The following ST3GAL1 variants were observed in gnomAD, a reference collection of about 807,000 sequenced individuals.
ST3GAL1 encodes CMP-N-acetylneuraminate-beta-galactosamide-alpha-2,3-sialyltransferase 1.
ST3GAL1 carries 16 observed loss-of-function variants against 34.1 expected under a neutral mutation model. The ratio of observed to expected loss-of-function variants is 0.47; its 90% CI spans 0.32 to 0.71. The LOEUF (loss-of-function observed/expected upper bound fraction) is 0.71. ST3GAL1 is among the 30% of genes least tolerant of loss of function. The pLI, the probability that ST3GAL1 is intolerant of heterozygous loss-of-function variation, is 0.04. For missense variants in ST3GAL1, 353 were observed against 447.4 expected (o/e 0.79, Z 1.90); for synonymous variants, 191 against 184.7 (o/e 1.03, Z -0.28).
chr8:133,539,199 C>G lies in ST3GAL1; in HGVS notation c.-429+6575G>C, dbSNP rs190049517. 3.9e-5 allele frequency among the ~76,000 whole-genome samples: 6 copies of G among 152,274 alleles called. No homozygotes were observed. The East Asian group carries it at 1.2e-3, about 29-fold the overall frequency. ...AGTGCCTTCGAAAATCCCAGCAGAA[C>G]CAAGAAGAACGAAGTTCTTTCGCCC... is the stretch of plus-strand genomic sequence containing the variant. On this transcript the variant is annotated intron_variant, in intron 2 of 9. Transcript: ENST00000522652.
intron 9 of ST3GAL1, among the ~76,000 whole-genome samples, chr8:133,460,544 C>T (rs754143237): frequency 6.6e-6 from 1 of 152,226 alleles, no homozygotes; most frequent in Non-Finnish European, 1.5e-5. Context: ...CATGACAAAC[C>T]CTGTGCATTT....
chr8:133,551,720 C>T (rs1353363789), intron 1 of ST3GAL1, among the ~76,000 whole-genome samples: 1 of 152,152 alleles, frequency 6.6e-6, no homozygotes, highest in African/African-American at 2.4e-5. Flanking sequence ...TAAGTGAATA[C>T]AAAACAACAT....
intron 3 of ST3GAL1, among the ~76,000 whole-genome samples, chr8:133,486,716 A>G (rs1816617757): frequency 6.6e-6 from 1 of 152,220 alleles, no homozygotes; most frequent in Non-Finnish European, 1.5e-5. Flanking sequence ...CCAGCCAGCC[A>G]GCAACTGTGC....
chr8:133,540,996 T>TATATAGACATATATATAGAC (rs1818489916), intron 2 of ST3GAL1, among the ~76,000 whole-genome samples: 2 of 50,146 alleles, frequency 4.0e-5, no homozygotes, highest in African/African-American at 1.7e-4. Flanking sequence ...TATATAGACA[T>TATATAGACATATATATAGAC]ATATATATAG....
intron 3 of ST3GAL1, among the ~76,000 whole-genome samples, chr8:133,492,364 TTC>T (rs1816812131): frequency 6.6e-6 from 1 of 152,298 alleles, no homozygotes; most frequent in East Asian, 1.9e-4. Flanking sequence ...AAGTCAGCAC[TTC>T]TCTTAGGTTG....
At chr8:133,518,994 T>G (rs981344118) in intron 2 of ST3GAL1, among the ~76,000 whole-genome samples, 1 of 152,034 alleles carries the variant, frequency 6.6e-6, no homozygotes, top group African/African-American at 2.4e-5. Context: ...AGAGGAGGCC[T>G]GAGATTAGAG....
chr8:133,466,061 G>A lies in ST3GAL1; in HGVS notation c.336C>T (p.Asn112=), dbSNP rs778233944. 1.2e-6 allele frequency: 2 copies of A among 1,613,614 alleles called. No homozygotes were observed. Among genetic ancestry groups the A allele is most frequent in the South Asian group, 1.1e-5 (1 of 91,080 alleles). The change falls in exon 6 of 10, where the codon AAC becomes AAT. Residue 112 remains asparagine, a synonymous_variant. Coordinates refer to ENST00000522652, the MANE Select transcript of ST3GAL1 (RefSeq NM_173344.3). This position sits in a 1 kb window ranked among gnomAD's most constrained non-coding sequence, Gnocchi z 4.4. ...LRLQREKKPN[N]LNDTIKELFR... The stretch of plus-strand genomic sequence containing the variant: ...ACAGCTCCTTGATGGTGTCATTCAA[G>A]TTATTGGGCTTCTTCTCCCGCTGGA...
chr8:133,524,149 G>A (rs1817892391), intron 2 of ST3GAL1, among the ~76,000 whole-genome samples: 1 of 152,116 alleles, frequency 6.6e-6, no homozygotes, highest in Admixed American at 6.6e-5. Flanking sequence ...ACTCTCGCTG[G>A]CCCTCTCAGC....
At chr8:133,536,752 G>A (rs1326478222) in intron 2 of ST3GAL1, among the ~76,000 whole-genome samples, 1 of 152,156 alleles carries the variant, frequency 6.6e-6, no homozygotes, top group Non-Finnish European at 1.5e-5. Flanking sequence ...CCAGCTTTTT[G>A]AGTCCTCGTG....
chr8:133,512,378 G>A (rs1001505886), intron 2 of ST3GAL1, among the ~76,000 whole-genome samples: 6 of 152,184 alleles, frequency 3.9e-5, no homozygotes, highest in Non-Finnish European at 7.3e-5. Flanking sequence ...GTCCTTCCAC[G>A]TTCCTCTGCC....
intron 1 of ST3GAL1, among the ~76,000 whole-genome samples, chr8:133,562,291 C>T (rs953775693): frequency 3.3e-5 from 5 of 151,244 alleles, no homozygotes; most frequent in Non-Finnish European, 7.4e-5. Context: ...CTCACTGCAA[C>T]CTCCGCCTCC....
chr8:133,487,692 G>A (rs1242908641), intron 3 of ST3GAL1, among the ~76,000 whole-genome samples: 1 of 152,220 alleles, frequency 6.6e-6, no homozygotes, highest in African/African-American at 2.4e-5. Context: ...AGAATGGCTG[G>A]GTGTGGTGGC....
chr8:133,539,921 G>A (rs1324194858), intron 2 of ST3GAL1, among the ~76,000 whole-genome samples: 1 of 152,034 alleles, frequency 6.6e-6, no homozygotes, highest in Non-Finnish European at 1.5e-5. Flanking sequence ...ATAAAACAAG[G>A]AAACAAATAA....
intron 3 of ST3GAL1, 33 bp from the exon 4 acceptor site, chr8:133,476,633 G>C (rs1001511251): frequency 6.6e-6 from 1 of 152,296 alleles, no homozygotes; most frequent in Non-Finnish European, 1.5e-5. Flanking sequence ...AACAGCGTGA[G>C]ATTCTGTGAT....
rs539874153 is a variant in ST3GAL1 at position 133,520,351 on chromosome 8, C to G, written c.-428-21162G>C. On this transcript the variant is annotated intron_variant, in intron 2 of 9. Transcript: ENST00000522652. ...AATTCCATCTTGCTGGAGGCAGCCC[C>G]CTCTTCTGGCACCACAGAAGTTTCT... is the stretch of plus-strand genomic sequence containing the variant. Among the ~76,000 whole-genome samples, 34 of 152,308 alleles carry G rather than the reference C, an allele frequency of 2.2e-4. No homozygotes were observed. In the East Asian group the frequency reaches 6.2e-3, roughly 28 times the overall value.
At chr8:133,511,523 C>T (rs1817496963) in intron 2 of ST3GAL1, among the ~76,000 whole-genome samples, 1 of 152,200 alleles carries the variant, frequency 6.6e-6, no homozygotes, top group African/African-American at 2.4e-5. Context: ...TCCATATTTA[C>T]ACAAGCACAA....
At chr8:133,513,310 C>T (rs1817550208) in intron 2 of ST3GAL1, among the ~76,000 whole-genome samples, 1 of 152,202 alleles carries the variant, frequency 6.6e-6, no homozygotes, top group South Asian at 2.1e-4. Flanking sequence ...CTACCGAGAT[C>T]CAAGGAGATT....
intron 2 of ST3GAL1, among the ~76,000 whole-genome samples, chr8:133,540,976 TGC>T (rs72273564): frequency 0.034 from 838 of 24,332 alleles, 8 homozygotes; most frequent in African/African-American, 0.037. Context: ...GACATATATA[TGC>T]AGACATATAT....
rs549444583 is a variant in ST3GAL1, at chr8:133,483,775, C to T, written c.-373-7175G>A. Among the ~76,000 whole-genome samples the T allele has an allele frequency of 2.6e-5, 4 of 152,320 alleles. No individual in the cohort carries two copies. In the East Asian group the frequency reaches 7.7e-4, roughly 29 times the overall value. ...TCCCAGGGGCTCCCAGACCCAGACTCTGCAACAGCCTTGCCTTGGGTCAGG... is the reference window on the plus strand; with the variant it reads ...TCCCAGGGGCTCCCAGACCCAGACTTTGCAACAGCCTTGCCTTGGGTCAGG... On this transcript the variant is annotated intron_variant, in intron 3 of 9. Coordinates refer to ENST00000522652, the MANE Select transcript of ST3GAL1 (RefSeq NM_173344.3).
Sources: allele counts gnomAD v4.1 joint callset (sites outside exome capture counted in the v4.1 genomes callset), GRCh38; gene constraint gnomAD v4.1.1; non-coding constraint Gnocchi (gnomAD v3.1); transcripts MANE v1.5; gene names NCBI Gene and HGNC (gene_info 2026-07-23, HGNC 2026-07-21).